The following UNC5C variants were observed in gnomAD, a reference collection of about 807,000 sequenced individuals.
UNC5C encodes unc-5 netrin receptor C, also known as netrin receptor UNC5C.
In UNC5C, 47 loss-of-function variants were observed where a neutral mutation model predicts 99.8. The observed-to-expected ratio is 0.47, with a 90% CI of 0.37 to 0.60. The LOEUF (loss-of-function observed/expected upper bound fraction) is 0.60, where lower values mean the gene tolerates loss of function less well. UNC5C is among the 20% of genes least tolerant of loss of function. The pLI, the probability that UNC5C is intolerant of heterozygous loss-of-function variation, is 0.00. For missense variants in UNC5C, 1,062 were observed against 1,165.9 expected (o/e 0.91, Z 1.30); for synonymous variants, 487 against 452.2 (o/e 1.08, Z -0.98).
intron 1 of UNC5C, among the ~76,000 whole-genome samples, chr4:95,397,486 C>T (rs1386191891): frequency 1.3e-5 from 2 of 152,158 alleles, no homozygotes; most frequent in African/African-American, 2.4e-5. Context: ...AGACAAAGAA[C>T]CTGGTGTCTT....
At chr4:95,535,941 CT>C (rs1392502562) in intron 1 of UNC5C, among the ~76,000 whole-genome samples, 1 of 151,364 alleles carries the variant, frequency 6.6e-6, no homozygotes, top group Non-Finnish European at 1.5e-5. Flanking sequence ...CCATGATATA[CT>C]TTAAAAAATG....
At chr4:95,358,204 T>C (rs1744276474) in intron 1 of UNC5C, among the ~76,000 whole-genome samples, 1 of 152,210 alleles carries the variant, frequency 6.6e-6, no homozygotes, top group African/African-American at 2.4e-5. Context: ...TCACAATCCT[T>C]ATTAATGCAG....
intron 5 of UNC5C, among the ~76,000 whole-genome samples, chr4:95,248,933 G>A (rs1233185287): frequency 6.6e-6 from 1 of 152,024 alleles, no homozygotes; most frequent in African/African-American, 2.4e-5. Flanking sequence ...CTCCCTCATT[G>A]ACTCACCCAG....
At chr4:95,505,146 T>C (rs1721880557) in intron 1 of UNC5C, among the ~76,000 whole-genome samples, 1 of 152,122 alleles carries the variant, frequency 6.6e-6, no homozygotes, top group Admixed American at 6.6e-5. Flanking sequence ...AGAATTTGAT[T>C]CTAATTATTC....
chr4:95,412,511 G>C (rs1319083533), intron 1 of UNC5C, among the ~76,000 whole-genome samples: 1 of 152,114 alleles, frequency 6.6e-6, no homozygotes, highest in Non-Finnish European at 1.5e-5. Context: ...AGCTGTGCCT[G>C]ACACAGAATC....
Position 95,405,274 on chromosome 4 carries a change from C to G in UNC5C, c.125-69643G>C, listed in dbSNP as rs561744231. ...CTGCAGAGCTGGAGCCCAAAGTACT[C>G]GCCCCGGCCTCTACATGTGCCCATC... On this transcript the variant is annotated intron_variant, in intron 1 of 15. Coordinates refer to ENST00000453304, the MANE Select transcript of UNC5C (RefSeq NM_003728.4). Among the ~76,000 whole-genome samples, 125 of 152,284 alleles carry G rather than the reference C, an allele frequency of 8.2e-4. 1 individual carries two copies. Among genetic ancestry groups the G allele is most frequent in the African/African-American group, 2.6e-3 (109 of 41,564 alleles).
chr4:95,225,269 C>T (rs1475189507), intron 7 of UNC5C, among the ~76,000 whole-genome samples: 2 of 152,188 alleles, frequency 1.3e-5, no homozygotes, highest in African/African-American at 4.8e-5. Context: ...GTTGGCTAGA[C>T]TGGTCTCGAA....
chr4:95,172,548 G>T (rs1011865307), intron 14 of UNC5C, among the ~76,000 whole-genome samples: 2 of 151,912 alleles, frequency 1.3e-5, no homozygotes, highest in Non-Finnish European at 2.9e-5. Flanking sequence ...TCAGATAGTT[G>T]TAGATATGCG....
chr4:95,473,686 C>T (rs2149475249), intron 1 of UNC5C, among the ~76,000 whole-genome samples: 1 of 152,196 alleles, frequency 6.6e-6, no homozygotes. Flanking sequence ...CACACACAGG[C>T]AGATTTTCAG....
intron 1 of UNC5C, among the ~76,000 whole-genome samples, chr4:95,472,019 G>A (rs913994169): frequency 7.2e-5 from 11 of 152,050 alleles, no homozygotes; most frequent in African/African-American, 9.7e-5. Context: ...GAATAAGGGC[G>A]TGAACTTTTA....
intron 1 of UNC5C, among the ~76,000 whole-genome samples, chr4:95,436,584 A>G (rs1414574112): frequency 6.6e-6 from 1 of 151,952 alleles, no homozygotes; most frequent in Non-Finnish European, 1.5e-5. Context: ...CTGGTCACTC[A>G]ACAAAAGGCC....
intron 10 of UNC5C, among the ~76,000 whole-genome samples, chr4:95,214,361 G>C (rs1738175085): frequency 1.3e-5 from 2 of 152,196 alleles, no homozygotes; most frequent in Admixed American, 1.3e-4. Context: ...AAATTCAACA[G>C]AGTAATTCCC....
intron 1 of UNC5C, among the ~76,000 whole-genome samples, chr4:95,454,709 C>G (rs1747380609): frequency 6.6e-6 from 1 of 151,972 alleles, no homozygotes. Context: ...ATACTTGATT[C>G]ACTCTTTAAC....
rs530805574 is a variant in UNC5C at position 95,279,537 on chromosome 4, T to C, written c.491-1175A>G. Among the ~76,000 whole-genome samples, 36 of 152,368 alleles carry C rather than the reference T, an allele frequency of 2.4e-4. 1 individual carries two copies. The South Asian group carries it at 2.5e-3, about 11-fold the overall frequency. On this transcript the variant is annotated intron_variant, in intron 3 of 15. Transcript: ENST00000453304. ...TAAACTCTATATACATTTAGTCTAA[T>C]TTCTAAAGTTAGAAAATTAATTTAA... is the stretch of plus-strand genomic sequence containing the variant.
intron 4 of UNC5C, among the ~76,000 whole-genome samples, chr4:95,256,005 C>T: frequency 6.6e-6 from 1 of 152,120 alleles, no homozygotes; most frequent in East Asian, 1.9e-4. Flanking sequence ...TTACTTGACT[C>T]ACAGCAGCAC....
chr4:95,371,194 T>A (rs979677465), intron 1 of UNC5C, among the ~76,000 whole-genome samples: 1 of 152,188 alleles, frequency 6.6e-6, no homozygotes, highest in African/African-American at 2.4e-5. Context: ...TTCCCCTAGC[T>A]GTGATAGTCT....
intron 1 of UNC5C, among the ~76,000 whole-genome samples, chr4:95,431,164 C>T (rs1172078334): frequency 2.0e-5 from 3 of 152,170 alleles, no homozygotes; most frequent in South Asian, 4.2e-4. Flanking sequence ...GCTCTCAGCT[C>T]GAATCTCAGT....
chr4:95,274,125 CAG>C (rs1292020629), intron 4 of UNC5C, among the ~76,000 whole-genome samples: 2 of 152,220 alleles, frequency 1.3e-5, no homozygotes, highest in Middle Eastern at 3.4e-3. Context: ...GAAGAGTAAA[CAG>C]ATAAATTTCA....
At chr4:95,194,233 C>G (rs978450695) in intron 12 of UNC5C, among the ~76,000 whole-genome samples, 4 of 152,210 alleles carry the variant, frequency 2.6e-5, no homozygotes, top group African/African-American at 9.6e-5. Flanking sequence ...CAACAGTTCT[C>G]TCTCACATCT....
Sources: allele counts gnomAD v4.1 joint callset (sites outside exome capture counted in the v4.1 genomes callset), GRCh38; gene constraint gnomAD v4.1.1; transcripts MANE v1.5; gene names NCBI Gene and HGNC (gene_info 2026-07-23, HGNC 2026-07-21).